The following GPR146 variants were observed in gnomAD, a reference collection of about 807,000 sequenced individuals.
GPR146 encodes G-protein coupled receptor 146.
For missense variants in GPR146, 381 were observed against 213.9 expected, an observed-to-expected ratio of 1.78 and a Z score of -4.87; for synonymous variants, 203 against 104.3, an observed-to-expected ratio of 1.95 and a Z score of -5.77.
chr7:1,058,583 T>C lies in GPR146; in HGVS notation c.*66T>C, dbSNP rs1021070703. ...CAGAGCACTTAGTTACCCTGGACGCTCCCCACATCCTTCCAGAAGGAGACG... is the reference window on the plus strand; with the variant it reads ...CAGAGCACTTAGTTACCCTGGACGCCCCCCACATCCTTCCAGAAGGAGACG... On this transcript the variant is annotated 3_prime_UTR_variant, in exon 2 of 2. Transcript: ENST00000444847. 55 of 673,902 alleles carry C rather than the reference T, an allele frequency of 8.2e-5. No homozygotes were observed. Among genetic ancestry groups the C allele is most frequent in the Admixed American group, 7.6e-4 (31 of 41,012 alleles). The allele number at this position is 673,902 out of a possible 1,614,324, so 41.7% of individuals were successfully genotyped here.
rs370238673 is a variant in GPR146 at position 1,057,657 on chromosome 7, C to A, written c.142C>A (p.Leu48Met). 1 of 771,212 alleles carries A rather than the reference C, an allele frequency of 1.3e-6. No homozygotes were observed. Among genetic ancestry groups the A allele is most frequent in the Admixed American group, 1.7e-5 (1 of 58,214 alleles). 47.8% of individuals were successfully genotyped at this position (771,212 alleles called of 1,614,324 possible). ...VPVGLCYNAL[L>M]VLANLHSKAS... ...AGTGGGCCTGTGCTACAACGCCCTG[C>A]TGGTGCTGGCCAACCTACACAGCAA... Residue 48 changes from leucine (L) to methionine (M), a missense_variant, in exon 2 of 2, where the codon CTG becomes ATG. Leu to Met is a conservative substitution (Grantham distance 15). Coordinates refer to ENST00000444847, the MANE Select transcript of GPR146 (RefSeq NM_001303473.2).
chr7:1,052,777 A>G lies in GPR146; in HGVS notation c.-24-4715A>G, dbSNP rs1178965241. On this transcript the variant is annotated intron_variant, in intron 1 of 1. Coordinates refer to ENST00000444847, the MANE Select transcript of GPR146 (RefSeq NM_001303473.2). The surrounding 1 kb of genome is among the most constrained non-coding windows in gnomAD (Gnocchi z 4.2). ...AACGGGTGACTGGAGGGCATGTGCC[A>G]GCTCTGTTCCTCAAGCCTGGCCCAA... 1.3e-5 allele frequency among the ~76,000 whole-genome samples: 2 copies of G among 151,966 alleles called. No individual in the cohort carries two copies. The highest frequency in any genetic ancestry group is 2.9e-5 in the Non-Finnish European group (2 of 67,984).
At chr7:1,044,868 G>C (rs1782432676) in intron 1 of GPR146, among the ~76,000 whole-genome samples, 2 of 152,382 alleles carry the variant, frequency 1.3e-5, no homozygotes, top group South Asian at 2.1e-4. Context: ...CTGAGCCCCG[G>C]GGGCGGGCTT....
chr7:1,051,657 C>T (rs1181033633), intron 1 of GPR146, among the ~76,000 whole-genome samples: 1 of 152,212 alleles, frequency 6.6e-6, no homozygotes, highest in Non-Finnish European at 1.5e-5. Context: ...GCAAGGCTGG[C>T]CCTTTTTATG....
chr7:1,054,306 C>G lies in GPR146; in HGVS notation c.-24-3186C>G, dbSNP rs562257869. Among the ~76,000 whole-genome samples, 89 of 152,342 alleles carry G rather than the reference C, an allele frequency of 5.8e-4. No individual in the cohort carries two copies. The South Asian group carries it at 0.012, about 21-fold the overall frequency. Reference sequence around the variant, plus strand: ...ACCTTCACTGGAAACAGAAACCATCCTCATCATTGATACCTGGTGAACTGC... The same window carrying G: ...ACCTTCACTGGAAACAGAAACCATCGTCATCATTGATACCTGGTGAACTGC... On this transcript the variant is annotated intron_variant, in intron 1 of 1. Transcript: ENST00000444847.
intron 1 of GPR146, among the ~76,000 whole-genome samples, chr7:1,048,415 G>A (rs1018928048): frequency 4.6e-5 from 7 of 152,112 alleles, no homozygotes; most frequent in African/African-American, 1.7e-4. Flanking sequence ...GTGCAGTGCA[G>A]GCGCTATGAT....
chr7:1,053,331 A>G (rs1783339777), intron 1 of GPR146, among the ~76,000 whole-genome samples: 1 of 152,240 alleles, frequency 6.6e-6, no homozygotes, highest in South Asian at 2.1e-4. Flanking sequence ...CGTCCACAGT[A>G]GAGCCCAGAA....
chr7:1,049,305 C>T (rs924282209), intron 1 of GPR146, among the ~76,000 whole-genome samples: 11 of 152,238 alleles, frequency 7.2e-5, no homozygotes, highest in African/African-American at 1.9e-4. Flanking sequence ...GATCTGCAGG[C>T]GTCATCATTC....
rs1373993149 is a variant in GPR146, at chr7:1,057,626, C to T, written c.111C>T (p.Gly37=). The T allele has an allele frequency of 7.8e-6, 6 of 769,326 alleles. No homozygotes were observed. Among genetic ancestry groups the T allele is most frequent in the African/African-American group, 1.7e-5 (1 of 59,192 alleles). 47.7% of individuals were successfully genotyped at this position (769,326 alleles called of 1,614,324 possible). Residue 37 remains glycine (G), a synonymous_variant, in exon 2 of 2, where the codon GGC becomes GGT. Coordinates refer to ENST00000444847, the MANE Select transcript of GPR146 (RefSeq NM_001303473.2). ...TGTCGCTGCTGGGCCTGGTGGTGGG[C>T]GTGCCAGTGGGCCTGTGCTACAACG... The part of the protein sequence containing the change: ...SLLSLLGLVV[G]VPVGLCYNAL...
At position 1,057,534 on chromosome 7, in the gene GPR146, T is replaced by C; in HGVS notation, c.19T>C (p.Phe7Leu). 1.3e-6 allele frequency: 1 copy of C among 771,326 alleles called. No individual in the cohort carries two copies. The allele number at this position is 771,326 out of a possible 1,614,324, so 47.8% of individuals were successfully genotyped here. Residue 7 changes from phenylalanine to leucine, a missense_variant, in exon 2 of 2, where the codon TTC (phenylalanine) becomes CTC (leucine). Coordinates refer to ENST00000444847, the MANE Select transcript of GPR146 (RefSeq NM_001303473.2). MWSCSW[F>L]NGTGLVEELP... is the part of the protein sequence containing the mutation. Reference sequence around the variant, plus strand: ...GGCCGCCATGTGGAGCTGCAGCTGGTTCAACGGCACAGGGCTGGTGGAGGA... The same window carrying C: ...GGCCGCCATGTGGAGCTGCAGCTGGCTCAACGGCACAGGGCTGGTGGAGGA...
At chr7:1,053,701 C>T (rs2128199836) in intron 1 of GPR146, among the ~76,000 whole-genome samples, 1 of 152,314 alleles carries the variant, frequency 6.6e-6, no homozygotes, top group East Asian at 1.9e-4. Context: ...GTGGCAGTCG[C>T]CTGTAATCCC....
Position 1,058,952 on chromosome 7 carries a change from G to T in GPR146, c.*435G>T. ...ATGAACAAAACCCTACGAAAGAATGGCAACAGCCAGGGTGGCCGGGCCCTG... is the reference window on the plus strand; with the variant it reads ...ATGAACAAAACCCTACGAAAGAATGTCAACAGCCAGGGTGGCCGGGCCCTG... On this transcript the variant is annotated 3_prime_UTR_variant, in exon 2 of 2. Transcript: ENST00000444847. 2 of 185,732 alleles carry T rather than the reference G, an allele frequency of 1.1e-5. No homozygotes were observed. Among genetic ancestry groups the T allele is most frequent in the Admixed American group, 1.1e-4 (2 of 18,326 alleles). The allele number at this position is 185,732 out of a possible 1,614,324, so 11.5% of individuals were successfully genotyped here.
chr7:1,053,290 G>A (rs527732591), intron 1 of GPR146, among the ~76,000 whole-genome samples: 9 of 152,384 alleles, frequency 5.9e-5, no homozygotes, highest in South Asian at 2.1e-4. Flanking sequence ...CCCCTCACTC[G>A]GACGCAGGTG....
chr7:1,046,713 G>A (rs1782614705), intron 1 of GPR146, among the ~76,000 whole-genome samples: 1 of 149,446 alleles, frequency 6.7e-6, no homozygotes. Flanking sequence ...GGGACAAGGT[G>A]GAGGTGGGGC....
At chr7:1,051,229 T>TG (rs1783083554) in intron 1 of GPR146, among the ~76,000 whole-genome samples, 1 of 152,200 alleles carries the variant, frequency 6.6e-6, no homozygotes. Context: ...CCATGAACAC[T>TG]GTGTCCCAAC....
chr7:1,051,290 T>G (rs1783088663), intron 1 of GPR146, among the ~76,000 whole-genome samples: 1 of 152,244 alleles, frequency 6.6e-6, no homozygotes, highest in Admixed American at 6.5e-5. Flanking sequence ...GTCTCAGCTC[T>G]CTAGGGTGCA....
rs942292028 is a variant in GPR146, at chr7:1,052,683, G to T, written c.-24-4809G>T. ...GAGGCCCACAGGGTCCCTGCTGGCT[G>T]AGGGTGCAGTGGCGGGCCCCGGAAG... On this transcript the variant is annotated intron_variant, in intron 1 of 1. Transcript: ENST00000444847. This position sits in a 1 kb window ranked among gnomAD's most constrained non-coding sequence, Gnocchi z 4.2. Among the ~76,000 whole-genome samples, 1 of 152,146 alleles carries T rather than the reference G, an allele frequency of 6.6e-6. No homozygotes were observed. The highest frequency in any genetic ancestry group is 6.5e-5 in the Admixed American group (1 of 15,276).
chr7:1,052,098 G>A lies in GPR146; in HGVS notation c.-24-5394G>A, dbSNP rs920052559. ...GCCATCTTGGACAGCTGAGGCCCAG[G>A]CAGGGCCAGCTCCTTCCACCTTCCC... On this transcript the variant is annotated intron_variant, in intron 1 of 1. Transcript: ENST00000444847. This position sits in a 1 kb window ranked among gnomAD's most constrained non-coding sequence, Gnocchi z 4.2. 6.6e-6 allele frequency among the ~76,000 whole-genome samples: 1 copy of A among 152,252 alleles called. No homozygotes were observed. The highest frequency in any genetic ancestry group is 1.5e-5 in the Non-Finnish European group (1 of 68,044).
At position 1,057,589 on chromosome 7, in the gene GPR146, G is replaced by T; in HGVS notation, c.74G>T (p.Gly25Val). 3 of 771,836 alleles carry T rather than the reference G, an allele frequency of 3.9e-6. No individual in the cohort carries two copies. The highest frequency in any genetic ancestry group is 1.7e-5 in the Admixed American group (1 of 58,308). 47.8% of individuals were successfully genotyped at this position (771,836 alleles called of 1,614,324 possible). ...ELPACQDLQL[G>V]LSLLSLLGLV... is the part of the protein sequence containing the mutation. The stretch of plus-strand genomic sequence containing the variant: ...CCTGCCTGCCAGGACCTGCAGCTGG[G>T]GCTGTCACTGTTGTCGCTGCTGGGC... Residue 25 changes from glycine to valine, a missense_variant, in exon 2 of 2, where the codon GGG (glycine) becomes GTG (valine). Transcript: ENST00000444847.
Sources: gnomAD v4.1 joint callset for allele counts (sites outside exome capture counted in the v4.1 genomes callset) on GRCh38, gnomAD v4.1.1 for gene constraint, Gnocchi (gnomAD v3.1) non-coding constraint, MANE v1.5 for transcripts, NCBI Gene and HGNC (gene_info 2026-07-23, HGNC 2026-07-21) for gene names.